The following GPC5 variants were observed in gnomAD, a reference collection of about 807,000 sequenced individuals.
GPC5 encodes glypican 5, also known as glypican-5.
GPC5 carries 47 observed loss-of-function variants against 53.9 expected under a neutral mutation model. The ratio of observed to expected loss-of-function variants is 0.87; its 90% confidence interval spans 0.69 to 1.11. The LOEUF is 1.11. Among genes scored for constraint, GPC5 ranks in the 50% most tolerant of loss-of-function variants. The pLI is 0.00. For synonymous variants in GPC5, 286 were observed against 263.3 expected (o/e 1.09, Z -0.84); for missense variants, 748 against 713.1 (o/e 1.05, Z -0.56).
chr13:91,776,263 G>C lies in GPC5; in HGVS notation c.1280+19843G>C, dbSNP rs143309473. On this transcript the variant is annotated intron_variant, in intron 5 of 7. Transcript: ENST00000377067. ...GCACACTTCTGAGGGACATTCTAGG[G>C]ATTCTCAGAAACACCCCATTTCAAG... Among the ~76,000 whole-genome samples the C allele has an allele frequency of 1.4e-3, 220 of 152,232 alleles. 1 individual carries two copies. Among genetic ancestry groups the C allele is most frequent in the African/African-American group, 5.0e-3 (206 of 41,548 alleles).
intron 5 of GPC5, among the ~76,000 whole-genome samples, chr13:91,834,646 A>G: frequency 6.6e-6 from 1 of 152,218 alleles, no homozygotes; most frequent in African/African-American, 2.4e-5. Flanking sequence ...GCAATGGAAA[A>G]AGGATTCCCT....
chr13:91,966,331 A>G (rs2040180497), intron 6 of GPC5, among the ~76,000 whole-genome samples: 1 of 152,212 alleles, frequency 6.6e-6, no homozygotes, highest in South Asian at 2.1e-4. Flanking sequence ...GGAGCAGTAA[A>G]TGGTCAGAAA....
intron 6 of GPC5, among the ~76,000 whole-genome samples, chr13:92,078,606 C>G (rs2138876654): frequency 6.6e-6 from 1 of 152,280 alleles, no homozygotes; most frequent in Non-Finnish European, 1.5e-5. Flanking sequence ...ATTTCTTTAT[C>G]TTTAATCATA....
intron 7 of GPC5, among the ~76,000 whole-genome samples, chr13:92,704,024 C>A (rs1887858099): frequency 6.6e-6 from 1 of 151,838 alleles, no homozygotes; most frequent in Admixed American, 6.6e-5. Context: ...TAATATTATC[C>A]TCATTGGAAA....
intron 7 of GPC5, among the ~76,000 whole-genome samples, chr13:92,575,135 A>G (rs1883150713): frequency 6.6e-6 from 1 of 152,090 alleles, no homozygotes. Flanking sequence ...GTTCTCTTTT[A>G]TTCTTATAAT....
chr13:92,364,851 CTT>C (rs1187180733), intron 7 of GPC5, among the ~76,000 whole-genome samples: 5 of 151,816 alleles, frequency 3.3e-5, no homozygotes. Flanking sequence ...TTGTAAGAGA[CTT>C]GCTATGAGTC....
At chr13:92,606,262 G>A (rs895858815) in intron 7 of GPC5, among the ~76,000 whole-genome samples, 9 of 151,872 alleles carry the variant, frequency 5.9e-5, no homozygotes, top group Non-Finnish European at 1.0e-4. Flanking sequence ...GACAGGCCCC[G>A]GTGTGTGATG....
intron 3 of GPC5, among the ~76,000 whole-genome samples, chr13:91,716,286 C>T (rs991868429): frequency 3.2e-4 from 48 of 152,154 alleles, no homozygotes; most frequent in Admixed American, 1.0e-3. Context: ...AGAATTACTG[C>T]CTGGTAGAAA....
intron 2 of GPC5, among the ~76,000 whole-genome samples, chr13:91,471,196 C>T (rs530647127): frequency 1.5e-4 from 23 of 152,180 alleles, no homozygotes; most frequent in African/African-American, 5.5e-4. Flanking sequence ...AACAGTCACC[C>T]CCTTGGGGCA....
intron 7 of GPC5, among the ~76,000 whole-genome samples, chr13:92,174,288 G>A (rs1318975246): frequency 4.0e-5 from 6 of 151,732 alleles, no homozygotes; most frequent in South Asian, 4.2e-4. Flanking sequence ...TTGGGAGGCC[G>A]AGACAGGTGG....
In GPC5 at chr13:92,459,615, G is replaced by A. The variant is rs145388795; in HGVS notation, c.1561+314626G>A. ...AGGGAATAGACAGGCTGGATGTACC[G>A]AATATTTTACCATTCTAAAAGGTTC... On this transcript the variant is annotated intron_variant, in intron 7 of 7. Transcript: ENST00000377067. Among the ~76,000 whole-genome samples, 350 of 152,222 alleles carry A rather than the reference G, an allele frequency of 2.3e-3. 3 individuals carry two copies. Among genetic ancestry groups the A allele is most frequent in the African/African-American group, 6.9e-3 (286 of 41,542 alleles).
At chr13:92,291,088 AG>A (rs1287268542) in intron 7 of GPC5, among the ~76,000 whole-genome samples, 47 of 152,276 alleles carry the variant, frequency 3.1e-4, no homozygotes, top group African/African-American at 1.0e-3. Context: ...TCCGCTAGGC[AG>A]GGCTTGGGAC....
intron 7 of GPC5, among the ~76,000 whole-genome samples, chr13:92,150,327 G>A (rs548642538): frequency 6.6e-6 from 1 of 151,976 alleles, no homozygotes. Context: ...CCAGTTTAAT[G>A]TTCAAAATTG....
chr13:91,502,003 T>C (rs1884663898), intron 2 of GPC5, among the ~76,000 whole-genome samples: 1 of 152,250 alleles, frequency 6.6e-6, no homozygotes. Flanking sequence ...CCAGTGGTGA[T>C]GAGCATTTTT....
intron 5 of GPC5, among the ~76,000 whole-genome samples, chr13:91,829,607 G>A (rs2038624852): frequency 6.6e-6 from 1 of 152,018 alleles, no homozygotes; most frequent in African/African-American, 2.4e-5. Flanking sequence ...TGGTGTATTA[G>A]TCAGGGTTCT....
intron 7 of GPC5, among the ~76,000 whole-genome samples, chr13:92,182,275 A>C (rs1025655247): frequency 3.2e-4 from 49 of 152,196 alleles, no homozygotes; most frequent in African/African-American, 1.2e-3. Flanking sequence ...TGTCACCCAG[A>C]AGCTAGCTGC....
intron 7 of GPC5, among the ~76,000 whole-genome samples, chr13:92,858,579 G>A (rs543518760): frequency 6.6e-6 from 1 of 152,218 alleles, no homozygotes; most frequent in African/African-American, 2.4e-5. Context: ...AATATCACAT[G>A]TTCTTAGTTA....
At chr13:92,230,234 A>C (rs913098662) in intron 7 of GPC5, among the ~76,000 whole-genome samples, 1 of 152,176 alleles carries the variant, frequency 6.6e-6, no homozygotes, top group Non-Finnish European at 1.5e-5. Flanking sequence ...ATATGTTCTC[A>C]TATAAATTGA....
At chr13:92,314,793 G>T (rs895050228) in intron 7 of GPC5, among the ~76,000 whole-genome samples, 13 of 152,104 alleles carry the variant, frequency 8.5e-5, no homozygotes, top group Non-Finnish European at 5.9e-5. Context: ...TATTTTCAGA[G>T]ACCTAGTCTT....
Sources: gnomAD v4.1 joint callset for allele counts (sites outside exome capture counted in the v4.1 genomes callset) on GRCh38, gnomAD v4.1.1 for gene constraint, MANE v1.5 for transcripts, NCBI Gene and HGNC (gene_info 2026-07-23, HGNC 2026-07-21) for gene names.